Variants in UQCRC2 observed in about 807,000 individuals in gnomAD.
The protein encoded by UQCRC2 is cytochrome b-c1 complex subunit 2, mitochondrial.
A neutral mutation model predicts 55.6 loss-of-function variants in UQCRC2; 49 were observed. The observed-to-expected ratio is 0.88, with a 90% confidence interval of 0.70 to 1.12. The LOEUF (loss-of-function observed/expected upper bound fraction) is 1.12. Among genes scored for constraint, UQCRC2 ranks in the 50% most tolerant of loss-of-function variants. UQCRC2 has a pLI of 0.00. For missense variants in UQCRC2, 506 were observed against 547.8 expected (o/e 0.92, Z 0.76); for synonymous variants, 193 against 192.0 (o/e 1.01, Z -0.04).
At chr16:21,954,814 C>G (rs1898063011) in intron 1 of UQCRC2, among the ~76,000 whole-genome samples, 1 of 151,360 alleles carries the variant, frequency 6.6e-6, no homozygotes, top group African/African-American at 2.4e-5. Flanking sequence ...GAGTCAGAGG[C>G]AGGCGGATCA....
At chr16:21,964,401 C>T (rs1304437984) in intron 6 of UQCRC2, among the ~76,000 whole-genome samples, 1 of 152,230 alleles carries the variant, frequency 6.6e-6, no homozygotes, top group Admixed American at 6.5e-5. Context: ...AGTGATCCTT[C>T]TGACGTGAAA....
chr16:21,976,052 T>C (rs1898576931), intron 11 of UQCRC2, 115 bp from the exon 12 acceptor site: 1 of 667,308 alleles, frequency 1.5e-6, no homozygotes, highest in South Asian at 1.8e-5. Flanking sequence ...GACACTGTGC[T>C]GTTTGTCTGG....
chr16:21,968,514 A>G (rs1898381591), intron 7 of UQCRC2, 114 bp from the exon 8 acceptor site: 2 of 851,300 alleles, frequency 2.3e-6, no homozygotes, highest in South Asian at 2.4e-5. Context: ...AGTTCATTAC[A>G]GCAACTTATA....
intron 3 of UQCRC2, among the ~76,000 whole-genome samples, chr16:21,957,961 A>C (rs1898118556): frequency 6.6e-6 from 1 of 152,230 alleles, no homozygotes; most frequent in Non-Finnish European, 1.5e-5. Context: ...CCTCCTGATA[A>C]GGATACCAGT....
chr16:21,967,318 C>T (rs1465574532), intron 7 of UQCRC2, among the ~76,000 whole-genome samples: 6 of 152,288 alleles, frequency 3.9e-5, no homozygotes, highest in Non-Finnish European at 5.9e-5. Context: ...ATTCTCAAAA[C>T]GTTATCACTT....
At chr16:21,970,981 CAAGCTGTTA>C (rs907442002) in intron 8 of UQCRC2, among the ~76,000 whole-genome samples, 1 of 151,856 alleles carries the variant, frequency 6.6e-6, no homozygotes, top group African/African-American at 2.4e-5. Flanking sequence ...TTTGGTTACT[CAAGCTGTTA>C]GCAGATATAT....
intron 8 of UQCRC2, among the ~76,000 whole-genome samples, chr16:21,969,570 A>G (rs1898408818): frequency 6.6e-6 from 1 of 152,196 alleles, no homozygotes; most frequent in East Asian, 1.9e-4. Context: ...TCATAGACCC[A>G]GTGACTTTTA....
intron 4 of UQCRC2, 120 bp from the exon 5 acceptor site, chr16:21,962,340 T>C: frequency 8.4e-7 from 1 of 1,183,438 alleles, no homozygotes; most frequent in East Asian, 2.4e-5. Flanking sequence ...GTTATATTAT[T>C]GTTCGCACCT....
intron 7 of UQCRC2, among the ~76,000 whole-genome samples, chr16:21,968,144 G>A (rs922112581): frequency 1.3e-5 from 2 of 151,874 alleles, no homozygotes; most frequent in Non-Finnish European, 2.9e-5. Context: ...TGGGATTACA[G>A]GCGTGCACCA....
intron 3 of UQCRC2, among the ~76,000 whole-genome samples, 175 bp downstream of exon 3, chr16:21,957,741 A>G (rs1319775358): frequency 6.6e-6 from 1 of 152,234 alleles, no homozygotes; most frequent in Non-Finnish European, 1.5e-5. Flanking sequence ...TCTAGAGGCT[A>G]GAAGTCCAAG....
Position 21,971,612 on chromosome 16 carries a change from A to G in UQCRC2, c.758A>G (p.Tyr253Cys). Reference sequence around the variant, plus strand: ...GGTTTATCTGGTGCAAAGGCCAACTACCGTGGAGGTAAGCATTTCATTCTA... The same window carrying G: ...GGTTTATCTGGTGCAAAGGCCAACTGCCGTGGAGGTAAGCATTTCATTCTA... The part of the protein sequence containing the change: ...GLGLSGAKAN[Y>C]RGGEIREQNG... Residue 253 changes from tyrosine to cysteine, a missense_variant, in exon 9 of 14, where the codon TAC becomes TGC. Physicochemically the swap from Tyr to Cys is radical, Grantham distance 194. Transcript: ENST00000268379. 1.2e-6 allele frequency: 2 copies of G among 1,613,944 alleles called. No individual in the cohort carries two copies. The highest frequency in any genetic ancestry group is 8.5e-7 in the Non-Finnish European group (1 of 1,179,946).
chr16:21,965,426 A>G lies in UQCRC2; in HGVS notation c.533A>G (p.His178Arg). The change falls in exon 7 of 14, where the codon CAT becomes CGT. Residue 178 changes from histidine to arginine, a missense_variant. By Grantham distance (29) the His-to-Arg change is conservative. Transcript: ENST00000268379. Reference protein sequence around the residue: ...NPQTHVIENLHAAAYRNALAN... With the variant: ...NPQTHVIENLRAAAYRNALAN... ...CTCACAGATGTCATTGAAAATTTGC[A>G]TGCAGCAGCTTACCGGAATGCCTTG... is the stretch of plus-strand genomic sequence containing the variant. 6.2e-7 allele frequency: 1 copy of G among 1,613,926 alleles called. No individual in the cohort carries two copies. Among genetic ancestry groups the G allele is most frequent in the South Asian group, 1.1e-5 (1 of 91,082 alleles).
intron 6 of UQCRC2, among the ~76,000 whole-genome samples, chr16:21,964,870 C>T (rs1898288570): frequency 6.6e-6 from 1 of 152,154 alleles, no homozygotes; most frequent in Admixed American, 6.5e-5. Flanking sequence ...AGGTAATGAG[C>T]AACTGAAGGA....
At chr16:21,981,590 C>CA (rs1385075161) in intron 13 of UQCRC2, among the ~76,000 whole-genome samples, 1 of 151,804 alleles carries the variant, frequency 6.6e-6, no homozygotes, top group Non-Finnish European at 1.5e-5. Context: ...CCCATCTCTA[C>CA]AAAAAAGTAC....
chr16:21,964,216 T>C (rs944190258), intron 6 of UQCRC2, among the ~76,000 whole-genome samples: 1 of 152,174 alleles, frequency 6.6e-6, no homozygotes, highest in Non-Finnish European at 1.5e-5. Flanking sequence ...AAGAAATAGA[T>C]AGAATAGTAC....
intron 13 of UQCRC2, among the ~76,000 whole-genome samples, chr16:21,981,927 G>A (rs1898739641): frequency 6.7e-6 from 1 of 148,670 alleles, no homozygotes; most frequent in East Asian, 2.0e-4. Context: ...TACAACCTCC[G>A]CCTCCCGGGT....
intron 8 of UQCRC2, 107 bp from the exon 9 acceptor site, chr16:21,971,418 G>T (rs1160411642): frequency 2.3e-6 from 2 of 874,556 alleles, no homozygotes. Flanking sequence ...TATTTATTTT[G>T]TAGTGTTAGG....
chr16:21,964,948 G>T (rs183194923), intron 6 of UQCRC2, among the ~76,000 whole-genome samples: 1 of 152,224 alleles, frequency 6.6e-6, no homozygotes, highest in Non-Finnish European at 1.5e-5. Context: ...AGAGGAGTAA[G>T]TCCCAGTGGA....
At chr16:21,954,446 A>G (rs1898058775) in intron 1 of UQCRC2, among the ~76,000 whole-genome samples, 1 of 152,114 alleles carries the variant, frequency 6.6e-6, no homozygotes, top group Non-Finnish European at 1.5e-5. Context: ...AATTGCATTA[A>G]CCTTCCAGGT....
Sources: allele counts gnomAD v4.1 joint callset (sites outside exome capture counted in the v4.1 genomes callset), GRCh38; gene constraint gnomAD v4.1.1; transcripts MANE v1.5; gene names NCBI Gene and HGNC (gene_info 2026-07-23, HGNC 2026-07-21).